Variants in STXBP5L observed in about 807,000 individuals in gnomAD.
STXBP5L encodes syntaxin binding protein 5L.
A neutral mutation model predicts 144.5 loss-of-function variants in STXBP5L; 65 were observed. That is an observed-to-expected ratio of 0.45 (90% CI 0.37 to 0.55). The LOEUF is 0.55. Among genes scored for constraint, STXBP5L ranks in the 20% least tolerant of loss-of-function variants. STXBP5L has a pLI of 0.00. For missense variants in STXBP5L, 1,298 were observed against 1,405.5 expected, an observed-to-expected ratio of 0.92 and a Z score of 1.22; for synonymous variants, 505 against 469.6, an observed-to-expected ratio of 1.08 and a Z score of -0.97.
At chr3:121,406,584 C>T (rs2046998066) in intron 22 of STXBP5L, among the ~76,000 whole-genome samples, 1 of 151,944 alleles carries the variant, frequency 6.6e-6, no homozygotes, top group South Asian at 2.1e-4. Context: ...CATTGTCAAC[C>T]TTGGAGAATC....
intron 3 of STXBP5L, among the ~76,000 whole-genome samples, chr3:121,036,070 A>T (rs1946730519): frequency 6.6e-6 from 1 of 152,150 alleles, no homozygotes; most frequent in South Asian, 2.1e-4. Context: ...ATGGTGGCTC[A>T]CAACTGTAAT....
chr3:121,191,411 C>T (rs553097909), intron 9 of STXBP5L, among the ~76,000 whole-genome samples: 6 of 152,292 alleles, frequency 3.9e-5, no homozygotes, highest in South Asian at 2.1e-4. Context: ...TGGAGGCGCA[C>T]GCCTGCAATC....
chr3:121,078,996 G>T (rs2042144291), intron 5 of STXBP5L, among the ~76,000 whole-genome samples: 1 of 152,248 alleles, frequency 6.6e-6, no homozygotes, highest in South Asian at 2.1e-4. Flanking sequence ...CCAGAAAGGG[G>T]CTCCCACAGT....
At chr3:121,383,248 G>A (rs2046358096) in intron 22 of STXBP5L, among the ~76,000 whole-genome samples, 1 of 152,046 alleles carries the variant, frequency 6.6e-6, no homozygotes, top group South Asian at 2.1e-4. Context: ...ACCAGTCTGG[G>A]CAGCATAATG....
intron 19 of STXBP5L, among the ~76,000 whole-genome samples, chr3:121,296,727 A>C (rs1462508703): frequency 6.6e-6 from 1 of 152,164 alleles, no homozygotes; most frequent in Non-Finnish European, 1.5e-5. Flanking sequence ...AATAGAAAAT[A>C]GCCAGTGAGG....
chr3:120,944,636 T>G (rs1710748927), intron 2 of STXBP5L, among the ~76,000 whole-genome samples: 1 of 151,764 alleles, frequency 6.6e-6, no homozygotes. Context: ...GTACCAATAC[T>G]TCCATCGCCA....
At chr3:120,948,995 T>C (rs550882892) in intron 2 of STXBP5L, among the ~76,000 whole-genome samples, 3 of 151,978 alleles carry the variant, frequency 2.0e-5, no homozygotes, top group Admixed American at 2.0e-4. Flanking sequence ...CTGTTTTCTA[T>C]AGGAGTTGTA....
chr3:120,977,900 C>T (rs1339454728), intron 3 of STXBP5L, among the ~76,000 whole-genome samples: 1 of 152,240 alleles, frequency 6.6e-6, no homozygotes, highest in Non-Finnish European at 1.5e-5. Context: ...TGCAGATTTT[C>T]TGCCAAGAGA....
chr3:121,272,151 A>G (rs772401504), intron 18 of STXBP5L, among the ~76,000 whole-genome samples: 1 of 152,198 alleles, frequency 6.6e-6, no homozygotes, highest in Non-Finnish European at 1.5e-5. Context: ...CTGCACTAAC[A>G]TATAGTTCAG....
At chr3:120,943,364 T>G (rs1710666466) in intron 2 of STXBP5L, among the ~76,000 whole-genome samples, 1 of 151,758 alleles carries the variant, frequency 6.6e-6, no homozygotes, top group Non-Finnish European at 1.5e-5. Flanking sequence ...CTTTTCTGTA[T>G]CTGTATCTTG....
intron 8 of STXBP5L, among the ~76,000 whole-genome samples, chr3:121,156,903 G>A (rs1021500903): frequency 2.6e-5 from 4 of 151,860 alleles, no homozygotes; most frequent in African/African-American, 9.7e-5. Context: ...GAGCATCTGT[G>A]GATTTTAGAA....
At chr3:121,414,807 TAGC>T (rs1413494900) in intron 24 of STXBP5L, among the ~76,000 whole-genome samples, 1 of 152,238 alleles carries the variant, frequency 6.6e-6, no homozygotes, top group African/African-American at 2.4e-5. Context: ...TAAAAAGTTT[TAGC>T]AGATTTGTTT....
chr3:121,344,188 C>T (rs1355420056), intron 20 of STXBP5L, among the ~76,000 whole-genome samples: 1 of 152,076 alleles, frequency 6.6e-6, no homozygotes, highest in Non-Finnish European at 1.5e-5. Context: ...GGAAAACTGG[C>T]TAGCCATATG....
chr3:121,001,687 G>A (rs1287304400), intron 3 of STXBP5L, among the ~76,000 whole-genome samples: 1 of 152,170 alleles, frequency 6.6e-6, no homozygotes, highest in Non-Finnish European at 1.5e-5. Flanking sequence ...GCTTCGTGGG[G>A]CCAGGAATGA....
chr3:121,293,895 T>C (rs1480433037), intron 19 of STXBP5L, among the ~76,000 whole-genome samples: 2 of 152,092 alleles, frequency 1.3e-5, no homozygotes, highest in Non-Finnish European at 2.9e-5. Context: ...TAGAAGGTTC[T>C]AGGATGGTAA....
chr3:121,314,047 G>T (rs1285858777), intron 19 of STXBP5L, among the ~76,000 whole-genome samples: 1 of 151,110 alleles, frequency 6.6e-6, no homozygotes, highest in Non-Finnish European at 1.5e-5. Flanking sequence ...ATGGCGGCGG[G>T]GAAGAGGCGC....
At chr3:121,031,499 C>A (rs1445446280) in intron 3 of STXBP5L, among the ~76,000 whole-genome samples, 1 of 151,978 alleles carries the variant, frequency 6.6e-6, no homozygotes. Context: ...GGTTGGCAGG[C>A]TGGAGACCCA....
Position 121,041,746 on chromosome 3 carries a change from G to T in STXBP5L, c.334G>T (p.Ala112Ser), listed in dbSNP as rs1481840692. The change falls in exon 4 of 27, where the codon GCA becomes TCA. Residue 112 changes from alanine (A) to serine (S), a missense_variant. Coordinates refer to ENST00000471454, the MANE Select transcript of STXBP5L (RefSeq NM_001308330.2). ...TTGCTATTGCCAACATGAAAGTGGT[G>T]CAGCTGTCCTACAGCTCCAATTTTT... ...VDCYCQHESG[A>S]AVLQLQFLIN... 6.2e-7 allele frequency: 1 copy of T among 1,612,598 alleles called. No homozygotes were observed. The highest frequency in any genetic ancestry group is 1.3e-5 in the African/African-American group (1 of 74,834).
At chr3:121,113,677 T>TC (rs1455229926) in intron 5 of STXBP5L, among the ~76,000 whole-genome samples, 5 of 144,958 alleles carry the variant, frequency 3.4e-5, no homozygotes, top group Non-Finnish European at 7.6e-5. Flanking sequence ...TTTTTCTTTT[T>TC]TTTTTTTTTT....
Sources: allele counts gnomAD v4.1 joint callset (sites outside exome capture counted in the v4.1 genomes callset), GRCh38; gene constraint gnomAD v4.1.1; transcripts MANE v1.5; gene names NCBI Gene and HGNC (gene_info 2026-07-23, HGNC 2026-07-21).